DUSP11: variants seen among roughly 807,000 people sequenced by gnomAD.
DUSP11 encodes the protein dual specificity phosphatase 11, also known as RNA/RNP complex-1-interacting phosphatase.
In DUSP11, 27 loss-of-function variants were observed where a neutral mutation model predicts 41.4. The ratio of observed to expected loss-of-function variants is 0.65; its 90% CI spans 0.48 to 0.90. The LOEUF (loss-of-function observed/expected upper bound fraction) is 0.90. Among genes scored for constraint, DUSP11 ranks in the 40% least tolerant of loss-of-function variants. The probability of loss-of-function intolerance (pLI) is 0.00; values close to 1 mark genes in which losing one functional copy is unlikely to be tolerated. For missense variants in DUSP11, 465 were observed against 461.1 expected, an observed-to-expected ratio of 1.01 and a Z score of -0.08; for synonymous variants, 188 against 159.3, an observed-to-expected ratio of 1.18 and a Z score of -1.35.
At chr2:73,767,320 T>C (rs1672484006) in intron 5 of DUSP11, 113 bp from the exon 6 acceptor site, 1 of 781,926 alleles carries the variant, frequency 1.3e-6, no homozygotes. Context: ...CCTAAGAAAA[T>C]ATCAGCACAT....
intron 4 of DUSP11, 117 bp from the exon 5 acceptor site, chr2:73,769,442 A>G (rs752587089): frequency 9.2e-6 from 7 of 759,352 alleles, no homozygotes; most frequent in Non-Finnish European, 1.5e-5. Flanking sequence ...GGAACATACT[A>G]TAAAGAATCA....
At chr2:73,778,277 A>T in intron 2 of DUSP11, 24 bp downstream of exon 2, 1 of 1,536,540 alleles carries the variant, frequency 6.5e-7, no homozygotes, top group African/African-American at 1.4e-5. Flanking sequence ...TGCCTGAAAG[A>T]ATACTGAATT....
At chr2:73,778,213 G>A in intron 2 of DUSP11, 88 bp downstream of exon 2, 3 of 859,014 alleles carry the variant, frequency 3.5e-6, no homozygotes, top group Non-Finnish European at 5.3e-6. Context: ...GCTATAAAAA[G>A]AGAAAATGGA....
intron 8 of DUSP11, among the ~76,000 whole-genome samples, chr2:73,765,935 CCCTGT>C (rs1672451477): frequency 6.6e-6 from 1 of 152,270 alleles, no homozygotes; most frequent in Non-Finnish European, 1.5e-5. Context: ...GTCACATATT[CCCTGT>C]CCTGTAACTG....
chr2:73,768,396 A>C, intron 5 of DUSP11: 1 of 956,384 alleles, frequency 1.0e-6, no homozygotes, highest in Non-Finnish European at 1.2e-6. Context: ...CACGCAGCAC[A>C]CTGCTTACAC....
At chr2:73,778,934 G>GGTC (rs1672737037) in intron 1 of DUSP11, among the ~76,000 whole-genome samples, 1 of 152,060 alleles carries the variant, frequency 6.6e-6, no homozygotes, top group South Asian at 2.1e-4. Context: ...GATCACCTGA[G>GGTC]GTCAGGAGTT....
chr2:73,773,595 C>A, intron 4 of DUSP11: 2 of 475,804 alleles, frequency 4.2e-6, no homozygotes, highest in Non-Finnish European at 7.5e-6. Flanking sequence ...ATATTTTGCA[C>A]TAAAACTAAT....
chr2:73,767,842 T>C (rs1672496778), intron 5 of DUSP11: 1 of 152,494 alleles, frequency 6.6e-6, no homozygotes. Context: ...TCTACCTCTT[T>C]CCCTCTGCAG....
intron 2 of DUSP11, 98 bp from the exon 3 acceptor site, chr2:73,775,142 T>C: frequency 9.4e-7 from 1 of 1,067,600 alleles, no homozygotes; most frequent in South Asian, 1.9e-5. Flanking sequence ...ACAACGAGAT[T>C]CAAAGGAAAG....
intron 8 of DUSP11, among the ~76,000 whole-genome samples, chr2:73,763,158 C>G (rs1418305974): frequency 6.6e-6 from 1 of 151,930 alleles, no homozygotes; most frequent in Non-Finnish European, 1.5e-5. Flanking sequence ...TTCCCAGAAG[C>G]CTTTCCACCT....
chr2:73,766,400 GA>G lies in DUSP11; in HGVS notation c.935+17del. 6.3e-7 allele frequency: 1 copy of G among 1,588,486 alleles called. No homozygotes were observed. Among genetic ancestry groups the G allele is most frequent in the Non-Finnish European group, 8.6e-7 (1 of 1,168,972 alleles). ...ATTTCTATCTCAATTCTAGAAAAGG[GA>G]AAACAGAGAGAGGTACCTGACTGAT... is the stretch of plus-strand genomic sequence containing the variant. On this transcript the variant is annotated intron_variant, in intron 8 of 8. Transcript: ENST00000272444.
chr2:73,779,903 C>A (rs1672758894), exon 1 of DUSP11: 3 of 1,614,122 alleles, frequency 1.9e-6, no homozygotes, highest in Admixed American at 1.7e-5. Context: ...CGCCCTTCTT[C>A]TTGGCTGAGG....
intron 2 of DUSP11, among the ~76,000 whole-genome samples, chr2:73,775,501 C>A (rs1672662677): frequency 6.6e-6 from 1 of 150,408 alleles, no homozygotes; most frequent in Non-Finnish European, 1.5e-5. Flanking sequence ...ACCTCAACCT[C>A]ACAAGTAGCT....
chr2:73,773,881 C>T (rs1384559587), exon 4 of DUSP11: 1 of 1,602,078 alleles, frequency 6.2e-7, no homozygotes, highest in Non-Finnish European at 8.5e-7. Flanking sequence ...ACTTGATGTC[C>T]AACTGTAAAA....
chr2:73,773,463 CAG>C (rs1558534468), intron 4 of DUSP11: 1 of 389,282 alleles, frequency 2.6e-6, no homozygotes, highest in Admixed American at 3.4e-5. Flanking sequence ...CTCTAAGACT[CAG>C]AGTTTTTTAA....
intron 4 of DUSP11, among the ~76,000 whole-genome samples, chr2:73,771,890 C>G (rs1317141091): frequency 2.1e-5 from 3 of 145,468 alleles, no homozygotes; most frequent in East Asian, 2.1e-4. Flanking sequence ...GCGCCATCTC[C>G]GCTCACTGAA....
At chr2:73,766,890 G>A in exon 7 of DUSP11, 1 of 1,612,920 alleles carries the variant, frequency 6.2e-7, no homozygotes, top group East Asian at 2.2e-5. Flanking sequence ...AATGTCCCCG[G>A]CACCTATTGA....
exon 1 of DUSP11, chr2:73,779,884 T>C: frequency 6.2e-7 from 1 of 1,614,178 alleles, no homozygotes; most frequent in African/African-American, 1.3e-5. Context: ...CTTTCGGGGA[T>C]GTGGTTTCCG....
intron 8 of DUSP11, among the ~76,000 whole-genome samples, chr2:73,765,576 C>CTAT (rs1672445477): frequency 6.7e-6 from 1 of 149,928 alleles, no homozygotes; most frequent in Non-Finnish European, 1.5e-5. Context: ...ATCCATCTAT[C>CTAT]CATCCATCCA....
Sources: gnomAD v4.1 joint callset for allele counts (sites outside exome capture counted in the v4.1 genomes callset) on GRCh38, gnomAD v4.1.1 for gene constraint, MANE v1.5 for transcripts, NCBI Gene and HGNC (gene_info 2026-07-23, HGNC 2026-07-21) for gene names.